DSEL: variants seen among roughly 807,000 people sequenced by gnomAD.
DSEL encodes the protein dermatan sulfate epimerase like.
A neutral mutation model predicts 96.6 loss-of-function variants in DSEL; 61 were observed. That is an observed-to-expected ratio of 0.63 (90% CI 0.51 to 0.78). The LOEUF is 0.78. Ranked by LOEUF, DSEL falls within the 30% of genes least tolerant of loss-of-function variation. The probability of loss-of-function intolerance (pLI) is 0.00; values close to 1 mark genes in which losing one functional copy is unlikely to be tolerated. For missense variants in DSEL, 1,320 were observed against 1,430.8 expected, an observed-to-expected ratio of 0.92 and a Z score of 1.25; for synonymous variants, 514 against 502.0, an observed-to-expected ratio of 1.02 and a Z score of -0.32.
chr18:67,511,614 G>A lies in DSEL; in HGVS notation c.2995C>T (p.Arg999Cys), dbSNP rs750643328. The change falls in exon 2 of 2, where the codon CGT becomes TGT. Residue 999 changes from arginine (R) to cysteine (C), a missense_variant. By Grantham distance (180) the Arg-to-Cys change is radical. Transcript: ENST00000310045. The stretch of plus-strand genomic sequence containing the variant: ...CCACTGCTTAAACTGAGCACAGGAC[G>A]TGCACTTGGATAGTAAACCAGGTGT... ...RRHLVYYPSARPVLSLSSGSW... is the reference protein window; with the variant it reads ...RRHLVYYPSACPVLSLSSGSW... 16 of 1,614,034 alleles carry A rather than the reference G, an allele frequency of 9.9e-6. No individual in the cohort carries two copies. The highest frequency in any genetic ancestry group is 6.7e-5 in the Admixed American group (4 of 59,998).
Position 67,512,656 on chromosome 18 carries a change from T to A in DSEL, c.1953A>T (p.Ala651=). ...GNSPMASIQE[A]EQAAEFKKRW... ...GTTTTTTAAATTCAGCAGCTTGCTC[T>A]GCTTCCTGTATACTGGCCATGGGAC... The change falls in exon 2 of 2, where the codon GCA becomes GCT. Residue 651 remains alanine, a synonymous_variant. Transcript: ENST00000310045. 1.2e-6 allele frequency: 2 copies of A among 1,614,180 alleles called. No homozygotes were observed. Among genetic ancestry groups the A allele is most frequent in the Non-Finnish European group, 1.7e-6 (2 of 1,180,034 alleles).
In DSEL at chr18:67,514,288, T is replaced by A. The variant is rs772156571; in HGVS notation, c.321A>T (p.Pro107=). ...MLSNPTYYLP[P]PKHADFAAKW... ...TGGCAGCAAAATCAGCATGCTTTGG[T>A]GGAGGTAGGTAGTATGTTGGGTTGG... Residue 107 remains proline (P), a synonymous_variant, in exon 2 of 2, where the codon CCA becomes CCT. Transcript: ENST00000310045. The A allele has an allele frequency of 5.0e-6, 8 of 1,614,020 alleles. No homozygotes were observed. In the East Asian group the frequency reaches 1.8e-4, roughly 36 times the overall value.
chr18:67,514,186 G>A lies in DSEL; in HGVS notation c.423C>T (p.Ala141=), dbSNP rs774564368. 2 of 1,614,092 alleles carry A rather than the reference G, an allele frequency of 1.2e-6. No individual in the cohort carries two copies. The highest frequency in any genetic ancestry group is 3.3e-5 in the Admixed American group (2 of 60,006). ...CCATATATTCCAAGACAAATTCAAA[G>A]GCAACTTTGTCTTCTGGGCATAACA... ...YCLLCPEDKV[A]FEFVLEYMDR... The change falls in exon 2 of 2, where the codon GCC becomes GCT. Residue 141 remains alanine (A), a synonymous_variant. Coordinates refer to ENST00000310045, the MANE Select transcript of DSEL (RefSeq NM_032160.3).
Position 67,509,802 on chromosome 18 carries a change from T to C in DSEL, c.*1168A>G, listed in dbSNP as rs1191635411. On this transcript the variant is annotated 3_prime_UTR_variant, in exon 2 of 2. Coordinates refer to ENST00000310045, the MANE Select transcript of DSEL (RefSeq NM_032160.3). ...GGCGTAGCATTTTGATTTCAGAGCC[T>C]ACCAAAATAAAATAAACCACACTTT... 6.6e-6 allele frequency: 1 copy of C among 152,592 alleles called. No homozygotes were observed. Among genetic ancestry groups the C allele is most frequent in the East Asian group, 1.9e-4 (1 of 5,184 alleles). 9.5% of individuals were successfully genotyped at this position (152,592 alleles called of 1,614,324 possible).
Position 67,514,448 on chromosome 18 carries a change from T to C in DSEL, c.161A>G (p.Gln54Arg), listed in dbSNP as rs1400902124. ...ATGAAGCATACTTTTCTTCAGCTTT[T>C]GGTTGGGTCTGAAATCTTGCACTTT... The part of the protein sequence containing the change: ...TQKVQDFRPN[Q>R]KLKKSMLHPS... Residue 54 changes from glutamine to arginine, a missense_variant, in exon 2 of 2, where the codon CAA (glutamine) becomes CGA (arginine). Gln to Arg is a conservative substitution (Grantham distance 43). Around this residue, in one of 3 missense-constraint regions of DSEL, gnomAD observed 323 missense variants for 333.1 expected, o/e 0.97. Transcript: ENST00000310045. 6.2e-7 allele frequency: 1 copy of C among 1,614,146 alleles called. No individual in the cohort carries two copies. The highest frequency in any genetic ancestry group is 1.3e-5 in the African/African-American group (1 of 75,064).
Position 67,510,411 on chromosome 18 carries a change from A to T in DSEL, c.*559T>A, listed in dbSNP as rs2089434926. ...TTTCCATCTGTATTTCCCAGAAGAA[A>T]TCCTATAGTTCTGATAGGAGCTTTC... On this transcript the variant is annotated 3_prime_UTR_variant, in exon 2 of 2. Coordinates refer to ENST00000310045, the MANE Select transcript of DSEL (RefSeq NM_032160.3). 6.6e-6 allele frequency: 1 copy of T among 152,526 alleles called. No homozygotes were observed. The highest frequency in any genetic ancestry group is 1.5e-5 in the Non-Finnish European group (1 of 68,078). 9.4% of individuals were successfully genotyped at this position (152,526 alleles called of 1,614,324 possible). A position where few individuals can be genotyped will look rare whatever the true frequency, so the allele number is the denominator to read the frequency against.
rs1239997438 is a variant in DSEL, at chr18:67,511,357, C to T, written c.3252G>A (p.Leu1084=). The change falls in exon 2 of 2, where the codon TTG becomes TTA. Residue 1084 remains leucine, a synonymous_variant. Coordinates refer to ENST00000310045, the MANE Select transcript of DSEL (RefSeq NM_032160.3). The stretch of plus-strand genomic sequence containing the variant: ...ATTTGGATTTTGATAATTCTTTCCT[C>T]AATGGTTCATACTCGAAAGCATAAC... ...NSGYAFEYEP[L]RKELSKSKSN... 6.2e-7 allele frequency: 1 copy of T among 1,603,978 alleles called. No individual in the cohort carries two copies. The highest frequency in any genetic ancestry group is 1.7e-5 in the Admixed American group (1 of 60,022).
At position 67,511,959 on chromosome 18, in the gene DSEL, G is replaced by C. The variant is rs747535180; in HGVS notation, c.2650C>G (p.Pro884Ala). Residue 884 changes from proline to alanine, a missense_variant, in exon 2 of 2, where the codon CCT (proline) becomes GCT (alanine). Physicochemically the swap from Pro to Ala is conservative, Grantham distance 27 (BLOSUM62 -1). Around this residue, in one of 3 missense-constraint regions of DSEL, gnomAD observed 986 missense variants for 1,066.4 expected, o/e 0.92. Coordinates refer to ENST00000310045, the MANE Select transcript of DSEL (RefSeq NM_032160.3). ...NSSDFLYIRVPTAYIDIPETE... is the reference protein window; with the variant it reads ...NSSDFLYIRVATAYIDIPETE... ...TCAGGAATATCAATGTAGGCTGTAG[G>C]AACCCTGATGTAGAGAAAATCACTA... 6.2e-7 allele frequency: 1 copy of C among 1,614,128 alleles called. No individual in the cohort carries two copies. The highest frequency in any genetic ancestry group is 2.2e-5 in the East Asian group (1 of 44,886).
In DSEL at chr18:67,511,220, A is replaced by G. The variant is rs2089439947; in HGVS notation, c.3389T>C (p.Ile1130Thr). 10 of 1,613,900 alleles carry G rather than the reference A, an allele frequency of 6.2e-6. No individual in the cohort carries two copies. The highest frequency in any genetic ancestry group is 2.2e-5 in the East Asian group (1 of 44,882). The change falls in exon 2 of 2, where the codon ATT (isoleucine) becomes ACT (threonine). Residue 1130 changes from isoleucine (I) to threonine (T), a missense_variant. Ile to Thr is a moderately conservative substitution (Grantham distance 89). Coordinates refer to ENST00000310045, the MANE Select transcript of DSEL (RefSeq NM_032160.3). ...AGTAGTTTTCTGAGGAAAATGCACA[A>G]TATCTTCAAACTTGACCAGCTGGTA... Reference protein sequence around the residue: ...TSYQLVKFEDIVHFPQKTTER... With the variant: ...TSYQLVKFEDTVHFPQKTTER...
rs1187045320 is a variant in DSEL, at chr18:67,511,658, T to A, written c.2951A>T (p.Tyr984Phe). The change falls in exon 2 of 2, where the codon TAT becomes TTT. Residue 984 changes from tyrosine (Y) to phenylalanine (F), a missense_variant. Tyr to Phe is a conservative substitution (Grantham distance 22). This residue lies in a region of DSEL where 986 missense variants were observed against 1,066.4 expected (regional missense o/e 0.92). Coordinates refer to ENST00000310045, the MANE Select transcript of DSEL (RefSeq NM_032160.3). ...CAGGTGTCTCCTCAAAGCCCTAATA[T>A]ATTCAGCATCTCTATCAAAGGCGCC... ...MKGAFDRDAEYIRALRRHLVY... is the reference protein window; with the variant it reads ...MKGAFDRDAEFIRALRRHLVY... The A allele has an allele frequency of 6.2e-7, 1 of 1,614,148 alleles. No homozygotes were observed.
chr18:67,514,102 T>G lies in DSEL; in HGVS notation c.507A>C (p.Pro169=). 6.2e-7 allele frequency: 1 copy of G among 1,614,220 alleles called. No homozygotes were observed. The highest frequency in any genetic ancestry group is 8.5e-7 in the Non-Finnish European group (1 of 1,180,038). ...CAAAACCTGTTAAGGAATGGCCAAT[T>G]GGAACCTCATCTCCTGGTGCATTCT... The part of the protein sequence containing the change: ...LVENAPGDEV[P]IGHSLTGFAT... The change falls in exon 2 of 2, where the codon CCA becomes CCC. Residue 169 remains proline, a synonymous_variant. Coordinates refer to ENST00000310045, the MANE Select transcript of DSEL (RefSeq NM_032160.3).
rs2144058626 is a variant in DSEL, at chr18:67,516,083, C to T, written c.-885+278G>A. Among the ~76,000 whole-genome samples, 1 of 152,138 alleles carries T rather than the reference C, an allele frequency of 6.6e-6. No homozygotes were observed. The highest frequency in any genetic ancestry group is 2.1e-4 in the South Asian group (1 of 4,800). ...CTCGGCGCTCACCTGTGGCCGAGTC[C>T]CTGTCCTCAGGTGGAGCCGCCAGAG... is the stretch of plus-strand genomic sequence containing the variant. On this transcript the variant is annotated intron_variant, in intron 1 of 1. Transcript: ENST00000310045. This position sits in a 1 kb window ranked among gnomAD's most constrained non-coding sequence, Gnocchi z 5.6.
chr18:67,514,534 A>G lies in DSEL; in HGVS notation c.75T>C (p.Ser25=). Residue 25 remains serine (S), a synonymous_variant, in exon 2 of 2, where the codon TCT becomes TCC. Coordinates refer to ENST00000310045, the MANE Select transcript of DSEL (RefSeq NM_032160.3). The part of the protein sequence containing the change: ...LMFAFSTFEE[S]VSNYSEWAVF... ...CTGCCCATTCGGAATAATTGCTCAC[A>G]GATTCCTCAAAAGTAGAGAAAGCAA... The G allele has an allele frequency of 1.2e-6, 2 of 1,614,196 alleles. No individual in the cohort carries two copies. Among genetic ancestry groups the G allele is most frequent in the Non-Finnish European group, 1.7e-6 (2 of 1,180,022 alleles).
Position 67,511,321 on chromosome 18 carries a change from C to T in DSEL, c.3288G>A (p.Val1096=), listed in dbSNP as rs768266389. The T allele has an allele frequency of 6.2e-7, 1 of 1,607,116 alleles. No individual in the cohort carries two copies. The highest frequency in any genetic ancestry group is 8.5e-7 in the Non-Finnish European group (1 of 1,179,996). The change falls in exon 2 of 2, where the codon GTG becomes GTA. Residue 1096 remains valine, a synonymous_variant. Transcript: ENST00000310045. ...KELSKSKSNA[V]SLLSHLWLAN... The stretch of plus-strand genomic sequence containing the variant: ...CTAGCCACAAGTGAGACAAGAGGGA[C>T]ACTGCATTTGATTTGGATTTTGATA...
In DSEL at chr18:67,508,877, C is replaced by G. The variant is rs576159118; in HGVS notation, c.*2093G>C. 5 of 150,062 alleles carry G rather than the reference C, an allele frequency of 3.3e-5. No homozygotes were observed. Among genetic ancestry groups the G allele is most frequent in the African/African-American group, 7.4e-5 (3 of 40,582 alleles). The allele number at this position is 150,062 out of a possible 1,614,324, so 9.3% of individuals were successfully genotyped here. The stretch of plus-strand genomic sequence containing the variant: ...CCGTGTAGCTGGGACTACAGGTGCC[C>G]GCCACCACGCCCGGCTAATTTTTTG... On this transcript the variant is annotated 3_prime_UTR_variant, in exon 2 of 2. Transcript: ENST00000310045.
At position 67,512,904 on chromosome 18, in the gene DSEL, C is replaced by A. The variant is rs750660832; in HGVS notation, c.1705G>T (p.Val569Leu). The A allele has an allele frequency of 6.2e-7, 1 of 1,614,190 alleles. No individual in the cohort carries two copies. The highest frequency in any genetic ancestry group is 8.5e-7 in the Non-Finnish European group (1 of 1,180,042). The stretch of plus-strand genomic sequence containing the variant: ...TTTAAGAGAAGCAAAGCACGATATA[C>A]ACTTTTCAGTCTCATTGCTGAAGAA... ...AYSSAMRLKS[V>L]YRALLLLNSQ... The change falls in exon 2 of 2, where the codon GTA becomes TTA. Residue 569 changes from valine (V) to leucine (L), a missense_variant. By Grantham distance (32) the Val-to-Leu change is conservative. This residue lies in a region of DSEL where 986 missense variants were observed against 1,066.4 expected (regional missense o/e 0.92). Transcript: ENST00000310045.
rs779393363 is a variant in DSEL at position 67,512,608 on chromosome 18, A to C, written c.2001T>G (p.Val667=). The change falls in exon 2 of 2, where the codon GTT becomes GTG. Residue 667 remains valine, a synonymous_variant. Coordinates refer to ENST00000310045, the MANE Select transcript of DSEL (RefSeq NM_032160.3). ...FKKRWTQFVN[V]TFQMEPTITR... Reference sequence around the variant, plus strand: ...TGATTGTGGGTTCCATCTGAAAAGTAACATTAACAAATTGAGTCCATCGTT... The same window carrying C: ...TGATTGTGGGTTCCATCTGAAAAGTCACATTAACAAATTGAGTCCATCGTT... 6.2e-7 allele frequency: 1 copy of C among 1,614,098 alleles called. No homozygotes were observed. Among genetic ancestry groups the C allele is most frequent in the Admixed American group, 1.7e-5 (1 of 60,026 alleles).
rs77305103 is a variant in DSEL at position 67,513,936 on chromosome 18, G to A, written c.673C>T (p.Gln225Ter). ...SWGKQLLHNH[Q>*]ATNMIALLTG... ...AGTAATGCTATCATATTAGTGGCTT[G>A]GTGGTTATGGAGAAGCTGTTTGCCC... is the stretch of plus-strand genomic sequence containing the variant. The change falls in exon 2 of 2, where the codon CAA becomes TAA. Residue 225 changes from glutamine (Q) to a stop codon, truncating the protein, a stop_gained. Transcript: ENST00000310045. LOFTEE classifies it high-confidence loss of function. 1.2e-6 allele frequency: 2 copies of A among 1,613,710 alleles called. No individual in the cohort carries two copies. The highest frequency in any genetic ancestry group is 2.2e-5 in the South Asian group (2 of 91,086).
Position 67,512,035 on chromosome 18 carries a change from G to C in DSEL, c.2574C>G (p.Thr858=), listed in dbSNP as rs747491195. Residue 858 remains threonine, a synonymous_variant, in exon 2 of 2, where the codon ACC becomes ACG. Coordinates refer to ENST00000310045, the MANE Select transcript of DSEL (RefSeq NM_032160.3). ...TTTCAGCTCCTGAACCAGGAAGTGAGGTAATGACAACATCAGGAAGATCCA... is the reference window on the plus strand; with the variant it reads ...TTTCAGCTCCTGAACCAGGAAGTGACGTAATGACAACATCAGGAAGATCCA... The part of the protein sequence containing the change: ...HHMDLPDVVI[T]SLPGSGAEIL... 7 of 1,613,984 alleles carry C rather than the reference G, an allele frequency of 4.3e-6. No homozygotes were observed. In the South Asian group the frequency reaches 5.5e-5, roughly 13 times the overall value.
Sources: allele counts gnomAD v4.1 joint callset (sites outside exome capture counted in the v4.1 genomes callset), GRCh38; gene constraint gnomAD v4.1.1; regional missense constraint gnomAD v4.1.1; non-coding constraint Gnocchi (gnomAD v3.1); transcripts MANE v1.5; gene names NCBI Gene and HGNC (gene_info 2026-07-23, HGNC 2026-07-21).